Variants in EPG5 observed in about 807,000 individuals in gnomAD.
EPG5 encodes ectopic P granules protein 5 homolog.
Under a neutral mutation model 302.7 loss-of-function variants are expected in EPG5, and 159 were observed. The ratio of observed to expected loss-of-function variants is 0.53; its 90% CI spans 0.46 to 0.60. EPG5 has a LOEUF of 0.60. Among genes scored for constraint, EPG5 ranks in the 20% least tolerant of loss-of-function variants. The probability of loss-of-function intolerance (pLI) is 0.00; values close to 1 mark genes in which losing one functional copy is unlikely to be tolerated. For missense variants in EPG5, 2,896 were observed against 3,092.4 expected (o/e 0.94, Z 1.51); for synonymous variants, 1,158 against 1,136.8 (o/e 1.02, Z -0.37).
At chr18:45,883,755 G>A (rs887830735) in intron 30 of EPG5, among the ~76,000 whole-genome samples, 2 of 146,814 alleles carry the variant, frequency 1.4e-5, no homozygotes, top group East Asian at 2.1e-4. Context: ...CACTGCACCC[G>A]ACCAAAACTG....
chr18:45,833,372 A>C, the EPG5 span, among the ~76,000 whole-genome samples: 1 of 152,148 alleles, frequency 6.6e-6, no homozygotes, highest in Non-Finnish European at 1.5e-5. Flanking sequence ...GCTGGAGTAC[A>C]GTGGTGCAGT....
At chr18:45,860,048 C>T (rs1023804599) in intron 40 of EPG5, 56 bp downstream of exon 40, 4 of 1,596,794 alleles carry the variant, frequency 2.5e-6, no homozygotes, top group African/African-American at 2.7e-5. Flanking sequence ...GATGACAATG[C>T]TTTCATCTTT....
chr18:45,806,187 T>C, the EPG5 span, among the ~76,000 whole-genome samples: 1 of 152,190 alleles, frequency 6.6e-6, no homozygotes, highest in Admixed American at 6.5e-5. Flanking sequence ...CAGGGATTAA[T>C]TTGCCAAATT....
the EPG5 span, chr18:45,841,963 C>T: frequency 1.2e-5 from 9 of 755,010 alleles, no homozygotes; most frequent in Non-Finnish European, 1.8e-5. Flanking sequence ...GCCTCCGATG[C>T]CATTCATCTC....
At chr18:45,895,881 C>T (rs2049460002) in intron 27 of EPG5, among the ~76,000 whole-genome samples, 1 of 152,168 alleles carries the variant, frequency 6.6e-6, no homozygotes. Context: ...CCATTAACAC[C>T]TCTTTTTCCA....
Position 45,867,711 on chromosome 18 carries a change from A to C in EPG5, c.6263T>G (p.Leu2088Trp). The C allele has an allele frequency of 2.5e-6, 4 of 1,607,452 alleles. No homozygotes were observed. In the South Asian group the frequency reaches 3.3e-5, roughly 13 times the overall value. The change falls in exon 37 of 44, where the codon TTG (leucine) becomes TGG (tryptophan). Residue 2088 changes from leucine to tryptophan, a missense_variant. Coordinates refer to ENST00000282041, the MANE Select transcript of EPG5 (RefSeq NM_020964.3). ...RGSPKSCFLF[L>W]GSVLCEVNWV... ...GTTGACTTCACAGAGTACAGACCCC[A>C]AAAATAAGAAACAGCTCTTGGGGCT...
the EPG5 span, chr18:45,840,280 C>T: frequency 1.3e-6 from 2 of 1,591,842 alleles, no homozygotes; most frequent in Non-Finnish European, 1.7e-6. Context: ...CCTACCCCAC[C>T]CACCTAGTCC....
At chr18:45,917,581 G>T in intron 17 of EPG5, 98 bp downstream of exon 17, 1 of 1,449,390 alleles carries the variant, frequency 6.9e-7, no homozygotes, top group Non-Finnish European at 9.6e-7. Flanking sequence ...TGTTGAAATA[G>T]CATTCCCTTT....
In EPG5 at chr18:45,955,182, C is replaced by A; in HGVS notation, c.220G>T (p.Gly74Ter). The stretch of plus-strand genomic sequence containing the variant: ...TCAAACATTTCACTCTCATTTTGTC[C>A]ACTGGCATCATCCTGGAGCTGGGAA... ...TDSQLQDDAS[G>*]QNESEMFDVP... The change falls in exon 2 of 44, where the codon GGA (glycine) becomes TGA (stop). Residue 74 changes from glycine (G) to a stop codon, truncating the protein, a stop_gained. Transcript: ENST00000282041. LOFTEE classifies it high-confidence loss of function. 1 of 1,614,110 alleles carries A rather than the reference C, an allele frequency of 6.2e-7. No homozygotes were observed. Among genetic ancestry groups the A allele is most frequent in the Non-Finnish European group, 8.5e-7 (1 of 1,180,030 alleles).
intron 26 of EPG5, among the ~76,000 whole-genome samples, chr18:45,900,404 CAAA>C (rs375366452): frequency 2.7e-5 from 3 of 111,972 alleles, no homozygotes; most frequent in Non-Finnish European, 1.7e-5. Context: ...GACTCTGTCT[CAAA>C]AAAAAAAAAA....
At chr18:45,920,917 T>C (rs1042194656) in intron 16 of EPG5, among the ~76,000 whole-genome samples, 1 of 152,220 alleles carries the variant, frequency 6.6e-6, no homozygotes, top group Non-Finnish European at 1.5e-5. Context: ...CTTTACATTC[T>C]TTCTGCTCAG....
intron 9 of EPG5, 126 bp from the exon 10 acceptor site, chr18:45,939,881 C>A: frequency 1.2e-6 from 1 of 848,952 alleles, no homozygotes; most frequent in South Asian, 1.9e-5. Context: ...CTACTATTGT[C>A]CAGGTTCTGA....
At position 45,876,180 on chromosome 18, in the gene EPG5, C is replaced by T. The variant is rs574973358; in HGVS notation, c.6049+56G>A. 5.0e-6 allele frequency: 6 copies of T among 1,209,896 alleles called. No individual in the cohort carries two copies. The African/African-American group carries it at 6.0e-5, about 12-fold the overall frequency. The allele number at this position is 1,209,896 out of a possible 1,614,324, so 74.9% of individuals were successfully genotyped here. A position where few individuals can be genotyped will look rare whatever the true frequency, so the allele number is the denominator to read the frequency against. ...AATAGAGGAAAGTAGAAGAAAAAGA[C>T]TGACTGACTTAGGGAAAAATGAAAA... On this transcript the variant is annotated intron_variant, in intron 35 of 43. Transcript: ENST00000282041.
chr18:45,852,557 A>T lies in EPG5; in HGVS notation c.7650T>A (p.Pro2550=), dbSNP rs1193671229. The T allele has an allele frequency of 6.2e-7, 1 of 1,614,092 alleles. No homozygotes were observed. The highest frequency in any genetic ancestry group is 8.5e-7 in the Non-Finnish European group (1 of 1,179,898). ...TTTTCCCATCTTGAAGGCAATGGCC[A>T]GGATGCCTTATAAATTGGGTGGCTT... ...ILQATQFIRH[P]GHCLQDGKSF... Residue 2550 remains proline (P), a synonymous_variant, in exon 44 of 44, where the codon CCT becomes CCA. Coordinates refer to ENST00000282041, the MANE Select transcript of EPG5 (RefSeq NM_020964.3).
the EPG5 span, chr18:45,840,151 C>T: frequency 7.8e-5 from 124 of 1,591,114 alleles, no homozygotes; most frequent in African/African-American, 5.5e-4. Context: ...TGGGGGTGGG[C>T]GCACAGGCTG....
rs1035537922 is a variant in EPG5, at chr18:45,880,155, G to T, written c.5587C>A (p.Pro1863Thr). ...ATLRALGCCA[P>T]SCQQGAASTE... ...GACGCTGCCCCCTGCTGGCAGCTGG[G>T]GGCGCAGCAGCCCAGGGCTCTCAGA... Residue 1863 changes from proline (P) to threonine (T), a missense_variant, in exon 32 of 44, where the codon CCC becomes ACC. Pro to Thr is a conservative substitution (Grantham distance 38, BLOSUM62 -1). This residue lies in a region of EPG5 where 790 missense variants were observed against 798.0 expected (regional missense o/e 0.99). Transcript: ENST00000282041. 2.5e-6 allele frequency: 4 copies of T among 1,611,516 alleles called. No individual in the cohort carries two copies. The African/African-American group carries it at 5.3e-5, about 22-fold the overall frequency.
the EPG5 span, chr18:45,825,639 C>A: frequency 1.4e-6 from 2 of 1,461,650 alleles, no homozygotes; most frequent in Non-Finnish European, 9.5e-7. Context: ...CACCCCCGCC[C>A]GCCTTCCTTC....
At chr18:45,898,561 A>T (rs1434420545) in intron 27 of EPG5, among the ~76,000 whole-genome samples, 2 of 152,186 alleles carry the variant, frequency 1.3e-5, no homozygotes, top group Non-Finnish European at 2.9e-5. Context: ...TTTCAGTCAC[A>T]TTGTTGCATG....
chr18:45,912,273 A>G lies in EPG5; in HGVS notation c.3983+17T>C, dbSNP rs780561691. 3.5e-5 allele frequency: 55 copies of G among 1,553,392 alleles called. No homozygotes were observed. The highest frequency in any genetic ancestry group is 4.6e-5 in the Non-Finnish European group (53 of 1,153,112). The stretch of plus-strand genomic sequence containing the variant: ...CAGAAATGGACTCACAGAAACCTAC[A>G]ATACTGGGCAGCATACCCATACTGT... On this transcript the variant is annotated intron_variant, in intron 22 of 43. Coordinates refer to ENST00000282041, the MANE Select transcript of EPG5 (RefSeq NM_020964.3).
Sources: gnomAD v4.1 joint callset for allele counts (sites outside exome capture counted in the v4.1 genomes callset) on GRCh38, gnomAD v4.1.1 for gene constraint, gnomAD v4.1.1 regional missense constraint, MANE v1.5 for transcripts, NCBI Gene and HGNC (gene_info 2026-07-23, HGNC 2026-07-21) for gene names.